The following GRIK2 variants were observed in gnomAD, a reference collection of about 807,000 sequenced individuals.
GRIK2 encodes the protein glutamate ionotropic receptor kainate type subunit 2, also known as glutamate receptor ionotropic, kainate 2.
In GRIK2, 32 loss-of-function variants were observed where a neutral mutation model predicts 100.3. The observed-to-expected ratio is 0.32, with a 90% CI of 0.24 to 0.43. The LOEUF is 0.43. Among genes scored for constraint, GRIK2 ranks in the 20% least tolerant of loss-of-function variants. The pLI, the probability that GRIK2 is intolerant of heterozygous loss-of-function variation, is 1.00. For missense variants in GRIK2, 843 were observed against 1,114.9 expected, an observed-to-expected ratio of 0.76 and a Z score of 3.47; for synonymous variants, 417 against 389.4, an observed-to-expected ratio of 1.07 and a Z score of -0.83.
chr6:101,898,708 C>T (rs1787643793), intron 12 of GRIK2, among the ~76,000 whole-genome samples: 1 of 151,740 alleles, frequency 6.6e-6, no homozygotes, highest in Non-Finnish European at 1.5e-5. Context: ...AACACTTTTT[C>T]CCTGAAAATT....
intron 7 of GRIK2, among the ~76,000 whole-genome samples, chr6:101,735,548 A>C (rs938495955): frequency 6.6e-6 from 1 of 152,056 alleles, no homozygotes; most frequent in Admixed American, 6.6e-5. Context: ...CAGCAGGCAG[A>C]GAGAGAGAGC....
chr6:102,054,686 G>A (rs1222505007), intron 15 of GRIK2, among the ~76,000 whole-genome samples: 3 of 152,114 alleles, frequency 2.0e-5, no homozygotes, highest in Admixed American at 1.3e-4. Context: ...AATTGATAAA[G>A]GAACAACGCC....
At chr6:101,652,408 C>A (rs970355093) in intron 4 of GRIK2, among the ~76,000 whole-genome samples, 1 of 152,084 alleles carries the variant, frequency 6.6e-6, no homozygotes, top group African/African-American at 2.4e-5. Context: ...TACGGGCATC[C>A]TGACTTCAAA....
intron 15 of GRIK2, among the ~76,000 whole-genome samples, chr6:102,040,754 G>A (rs750061444): frequency 6.6e-6 from 1 of 151,446 alleles, no homozygotes; most frequent in Non-Finnish European, 1.5e-5. Context: ...AATAAGTACT[G>A]AAATATTCAT....
At chr6:101,793,363 T>C (rs1780033458) in intron 7 of GRIK2, among the ~76,000 whole-genome samples, 1 of 152,196 alleles carries the variant, frequency 6.6e-6, no homozygotes, top group African/African-American at 2.4e-5. Context: ...TCTTTGATGA[T>C]GGTGATGTAC....
intron 2 of GRIK2, among the ~76,000 whole-genome samples, chr6:101,533,848 C>T (rs2128285799): frequency 6.6e-6 from 1 of 152,072 alleles, no homozygotes; most frequent in South Asian, 2.1e-4. Context: ...CCATCCATGA[C>T]TATCCAGGTA....
At chr6:101,470,621 G>A (rs538449824) in intron 2 of GRIK2, among the ~76,000 whole-genome samples, 91 of 152,112 alleles carry the variant, frequency 6.0e-4, no homozygotes, top group African/African-American at 2.1e-3. Context: ...TATATCCTGG[G>A]GATGGGGGAA....
intron 12 of GRIK2, among the ~76,000 whole-genome samples, chr6:101,912,095 C>G (rs1377293533): frequency 2.9e-5 from 1 of 34,312 alleles, no homozygotes; most frequent in Non-Finnish European, 8.5e-5. Context: ...CAAACACACA[C>G]ACACAAACAC....
chr6:101,563,499 T>G (rs779775903), intron 2 of GRIK2, among the ~76,000 whole-genome samples: 4 of 152,196 alleles, frequency 2.6e-5, no homozygotes, highest in Non-Finnish European at 5.9e-5. Context: ...TTTCCAATGA[T>G]GTACTTAGGT....
At chr6:101,693,436 GAA>G (rs556487300) in intron 7 of GRIK2, among the ~76,000 whole-genome samples, 2 of 140,994 alleles carry the variant, frequency 1.4e-5, no homozygotes, top group Admixed American at 7.1e-5. Flanking sequence ...ATGTAGGGGA[GAA>G]AAAAAAAAAA....
chr6:101,713,404 A>G (rs544962365), intron 7 of GRIK2, among the ~76,000 whole-genome samples: 1 of 151,792 alleles, frequency 6.6e-6, no homozygotes, highest in African/African-American at 2.4e-5. Context: ...GTGAAGACTG[A>G]AAGTCATTAT....
chr6:101,559,746 A>T (rs929362857), intron 2 of GRIK2, among the ~76,000 whole-genome samples: 37 of 151,940 alleles, frequency 2.4e-4, no homozygotes, highest in African/African-American at 8.9e-4. Flanking sequence ...TCCCTTTTCC[A>T]CCAAATAATC....
At chr6:101,573,278 T>A (rs1326534694) in intron 2 of GRIK2, among the ~76,000 whole-genome samples, 1 of 152,198 alleles carries the variant, frequency 6.6e-6, no homozygotes, top group Non-Finnish European at 1.5e-5. Flanking sequence ...TTATTGTCTA[T>A]GTTTGTCTTT....
chr6:101,543,128 T>C (rs1776083841), intron 2 of GRIK2, among the ~76,000 whole-genome samples: 1 of 151,946 alleles, frequency 6.6e-6, no homozygotes, highest in Admixed American at 6.6e-5. Flanking sequence ...ACCCAGAAAA[T>C]GATGGATGTC....
intron 7 of GRIK2, among the ~76,000 whole-genome samples, chr6:101,747,851 G>A (rs927236846): frequency 2.0e-5 from 3 of 151,440 alleles, no homozygotes; most frequent in African/African-American, 7.3e-5. Context: ...CTGCAAAACA[G>A]ACTTTATCTT....
At position 101,963,835 on chromosome 6, in the gene GRIK2, A is replaced by G. The variant is rs563711418; in HGVS notation, c.2085+35203A>G. ...AGTCTCCACTTAATTGCTTACCAAT[A>G]AAATTTCCATTATTTCAGAGAGTAC... On this transcript the variant is annotated intron_variant, in intron 14 of 16. Transcript: ENST00000369134. 2.5e-4 allele frequency among the ~76,000 whole-genome samples: 38 copies of G among 152,230 alleles called. 1 individual carries two copies. The highest frequency in any genetic ancestry group is 9.1e-4 in the African/African-American group (38 of 41,556).
chr6:101,701,370 G>C (rs1772885163), intron 7 of GRIK2, among the ~76,000 whole-genome samples: 1 of 152,054 alleles, frequency 6.6e-6, no homozygotes, highest in Non-Finnish European at 1.5e-5. Context: ...TGTGTCAGGG[G>C]TCTTACGAAT....
chr6:101,444,039 C>T (rs1033907537), intron 2 of GRIK2, among the ~76,000 whole-genome samples: 10 of 151,544 alleles, frequency 6.6e-5, no homozygotes, highest in South Asian at 6.3e-4. Context: ...TATGCACTAC[C>T]GTGCCCAGCC....
intron 3 of GRIK2, 22 bp downstream of exon 3, chr6:101,622,138 T>C: frequency 6.9e-7 from 1 of 1,443,284 alleles, no homozygotes; most frequent in Non-Finnish European, 9.6e-7. Context: ...ATTTTTAACA[T>C]CTTTGTTTCC....
Sources: gnomAD v4.1 joint callset for allele counts (sites outside exome capture counted in the v4.1 genomes callset) on GRCh38, gnomAD v4.1.1 for gene constraint, MANE v1.5 for transcripts, NCBI Gene and HGNC (gene_info 2026-07-23, HGNC 2026-07-21) for gene names.